Variants in ZNF451 observed in about 807,000 individuals in gnomAD.
The protein encoded by ZNF451 is zinc finger protein 451, also known as E3 SUMO-protein ligase ZNF451.
Under a neutral mutation model 107.1 loss-of-function variants are expected in ZNF451, and 80 were observed. That is an observed-to-expected ratio of 0.75 (90% CI 0.62 to 0.90). The LOEUF (loss-of-function observed/expected upper bound fraction) is 0.90, where lower values mean the gene tolerates loss of function less well. ZNF451 is among the 40% of genes least tolerant of loss of function. ZNF451 has a pLI of 0.00. For missense variants in ZNF451, 1,107 were observed against 1,236.2 expected, an observed-to-expected ratio of 0.90 and a Z score of 1.57; for synonymous variants, 362 against 406.5, an observed-to-expected ratio of 0.89 and a Z score of 1.32.
At chr6:57,105,547 T>G (rs559168865) in intron 3 of ZNF451, 3 of 985,452 alleles carry the variant, frequency 3.0e-6, no homozygotes, top group Non-Finnish European at 3.6e-6. Context: ...TTAATTTGTT[T>G]TCTTTATAGC....
At chr6:57,153,311 T>C (rs1832432936) in intron 12 of ZNF451, among the ~76,000 whole-genome samples, 1 of 152,206 alleles carries the variant, frequency 6.6e-6, no homozygotes, top group Non-Finnish European at 1.5e-5. Context: ...GCTTTTTCTT[T>C]TCATGGCACA....
intron 3 of ZNF451, among the ~76,000 whole-genome samples, chr6:57,117,299 C>A (rs77077894): frequency 0.14 from 21,359 of 147,492 alleles, 1,580 homozygotes; most frequent in Middle Eastern, 0.18. Flanking sequence ...TTCATACGGG[C>A]ACTCAAAAAG....
chr6:57,167,632 G>A (rs1763955390), intron 14 of ZNF451, among the ~76,000 whole-genome samples: 1 of 152,174 alleles, frequency 6.6e-6, no homozygotes, highest in African/African-American at 2.4e-5. Flanking sequence ...ACTGGTGCCT[G>A]TAGCCAAGTA....
chr6:57,117,551 C>T (rs137978361), intron 3 of ZNF451, among the ~76,000 whole-genome samples: 35 of 152,120 alleles, frequency 2.3e-4, no homozygotes, highest in African/African-American at 7.0e-4. Flanking sequence ...TTCCTAGTGT[C>T]GTGAGTATGT....
chr6:57,101,275 C>T (rs1047301938), intron 3 of ZNF451: 1 of 1,550,916 alleles, frequency 6.4e-7, no homozygotes, highest in Non-Finnish European at 8.7e-7. Context: ...TGAAGGGAAA[C>T]CTGATTGTGT....
At chr6:57,157,226 TATTAGACTA>T (rs1264465665) in intron 13 of ZNF451, among the ~76,000 whole-genome samples, 4 of 152,240 alleles carry the variant, frequency 2.6e-5, no homozygotes, top group Non-Finnish European at 5.9e-5. Context: ...AAGTGGTTTT[TATTAGACTA>T]AAGATTGCTG....
chr6:57,110,175 A>C (rs1010018205), intron 3 of ZNF451, among the ~76,000 whole-genome samples: 1 of 152,196 alleles, frequency 6.6e-6, no homozygotes, highest in Non-Finnish European at 1.5e-5. Flanking sequence ...GGAGTGTGGA[A>C]CAGTGTGGGT....
At chr6:57,146,864 CTA>C (rs1484661523) in intron 9 of ZNF451, among the ~76,000 whole-genome samples, 1 of 152,036 alleles carries the variant, frequency 6.6e-6, no homozygotes, top group Non-Finnish European at 1.5e-5. Flanking sequence ...AATTTTGAAT[CTA>C]GTTTTAGCCT....
intron 3 of ZNF451, chr6:57,108,000 G>A (rs549961974): frequency 3.1e-4 from 154 of 501,650 alleles, no homozygotes; most frequent in Admixed American, 1.7e-3. Flanking sequence ...CACCACACCC[G>A]GCGAATTTTT....
intron 2 of ZNF451, among the ~76,000 whole-genome samples, chr6:57,092,555 C>G (rs1432275594): frequency 2.0e-5 from 3 of 152,136 alleles, no homozygotes; most frequent in Non-Finnish European, 4.4e-5. Flanking sequence ...AGTGGCACCA[C>G]TTACATGACA....
intron 2 of ZNF451, 122 bp from the exon 3 acceptor site, chr6:57,098,939 C>T: frequency 1.6e-6 from 1 of 614,560 alleles, no homozygotes; most frequent in Non-Finnish European, 2.9e-6. Context: ...TTCTGCTACC[C>T]ACAAAGCTCC....
intron 3 of ZNF451, chr6:57,101,769 G>C: frequency 6.4e-7 from 1 of 1,550,538 alleles, no homozygotes; most frequent in Non-Finnish European, 8.7e-7. Flanking sequence ...TTATGGCCAT[G>C]GCCATAGACT....
At chr6:57,100,559 A>AT (rs761573571) in intron 3 of ZNF451, 42 of 1,446,506 alleles carry the variant, frequency 2.9e-5, no homozygotes, top group African/African-American at 4.3e-5. Flanking sequence ...TTAAAAGCAT[A>AT]TTTTTTTTCT....
intron 3 of ZNF451, chr6:57,101,639 A>G: frequency 6.4e-7 from 1 of 1,550,690 alleles, no homozygotes; most frequent in Non-Finnish European, 8.7e-7. Context: ...GACATGGAAG[A>G]TCTGGTTCAT....
intron 14 of ZNF451, among the ~76,000 whole-genome samples, chr6:57,166,823 T>A (rs57653691): frequency 0.025 from 3,781 of 152,302 alleles, 157 homozygotes; most frequent in African/African-American, 0.087. Flanking sequence ...AACATGAAGA[T>A]GGCTATGACA....
intron 3 of ZNF451, chr6:57,102,047 G>A (rs896757279): frequency 6.5e-7 from 1 of 1,537,132 alleles, no homozygotes. Flanking sequence ...CACCCCTATA[G>A]ATATAGAAAG....
intron 7 of ZNF451, among the ~76,000 whole-genome samples, chr6:57,136,638 ACTGATGTT>A (rs1376800361): frequency 6.6e-6 from 1 of 152,182 alleles, no homozygotes; most frequent in African/African-American, 2.4e-5. Context: ...GCAGTAGGTT[ACTGATGTT>A]CTGCATTTTC....
At chr6:57,120,985 A>G (rs1830611407) in intron 3 of ZNF451, among the ~76,000 whole-genome samples, 5 of 151,822 alleles carry the variant, frequency 3.3e-5, no homozygotes, top group Admixed American at 3.3e-4. Context: ...ATTTTCTCCT[A>G]TGTTATCTTT....
chr6:57,106,316 T>C (rs1409246389), intron 3 of ZNF451: 9 of 982,248 alleles, frequency 9.2e-6, no homozygotes, highest in Non-Finnish European at 1.1e-5. Flanking sequence ...ATCTTTTTTT[T>C]TTTTTTTTTT....
Sources: allele counts gnomAD v4.1 joint callset (sites outside exome capture counted in the v4.1 genomes callset), GRCh38; gene constraint gnomAD v4.1.1; transcripts MANE v1.5; gene names NCBI Gene and HGNC (gene_info 2026-07-23, HGNC 2026-07-21).